The following BCAS3 variants were observed in gnomAD, a reference collection of about 807,000 sequenced individuals.
The protein encoded by BCAS3 is BCAS4/BCAS3 fusion.
BCAS3 carries 53 observed loss-of-function variants against 116.1 expected under a neutral mutation model. The ratio of observed to expected loss-of-function variants is 0.46; its 90% CI spans 0.37 to 0.57. BCAS3 has a LOEUF of 0.57. Among genes scored for constraint, BCAS3 ranks in the 20% least tolerant of loss-of-function variants. The pLI, the probability that BCAS3 is intolerant of heterozygous loss-of-function variation, is 0.00. For synonymous variants in BCAS3, 391 were observed against 408.2 expected (o/e 0.96, Z 0.51); for missense variants, 917 against 1,165.4 (o/e 0.79, Z 3.10).
intron 14 of BCAS3, among the ~76,000 whole-genome samples, chr17:60,949,146 A>G (rs2060693331): frequency 6.6e-6 from 1 of 152,190 alleles, no homozygotes; most frequent in Non-Finnish European, 1.5e-5. Context: ...AAGTGCTGGG[A>G]TTATAGACGT....
At position 61,113,969 on chromosome 17, in the gene BCAS3, C is replaced by T. The variant is rs968715593; in HGVS notation, c.2425+29405C>T. 3.8e-4 allele frequency among the ~76,000 whole-genome samples: 56 copies of T among 146,104 alleles called. 1 individual carries two copies. The highest frequency in any genetic ancestry group is 6.6e-4 in the Non-Finnish European group (44 of 66,498). On this transcript the variant is annotated intron_variant, in intron 22 of 23. Transcript: ENST00000407086. ...CAATAAATGTAATCCAGCATATAAA[C>T]AGAGCCAAAGACAAAAACCACATGA...
rs144652722 is a variant in BCAS3, at chr17:61,164,754, T to C, written c.2425+80190T>C. 4.2e-3 allele frequency among the ~76,000 whole-genome samples: 635 copies of C among 152,310 alleles called. 6 individuals are homozygous for C. The highest frequency in any genetic ancestry group is 0.015 in the African/African-American group (606 of 41,572). On this transcript the variant is annotated intron_variant, in intron 22 of 23. Coordinates refer to ENST00000407086, the MANE Select transcript of BCAS3 (RefSeq NM_017679.5). ...TCCAAAACTGAGCCAAATAAACCTTTGTTCTTTATAAATTACCCAGTCTGT... is the reference window on the plus strand; with the variant it reads ...TCCAAAACTGAGCCAAATAAACCTTCGTTCTTTATAAATTACCCAGTCTGT...
intron 22 of BCAS3, among the ~76,000 whole-genome samples, chr17:61,192,104 G>T (rs1378751430): frequency 1.3e-5 from 2 of 151,732 alleles, no homozygotes; most frequent in Non-Finnish European, 1.5e-5. Context: ...AAATTAGCTG[G>T]GCGTGGTGGT....
Position 61,224,147 on chromosome 17 carries a change from T to C in BCAS3, c.2425+139583T>C, listed in dbSNP as rs2082256289. 6.6e-6 allele frequency among the ~76,000 whole-genome samples: 1 copy of C among 152,272 alleles called. No individual in the cohort carries two copies. On this transcript the variant is annotated intron_variant, in intron 22 of 23. Transcript: ENST00000407086. This position sits in a 1 kb window ranked among gnomAD's most constrained non-coding sequence, Gnocchi z 5.7. The stretch of plus-strand genomic sequence containing the variant: ...CAGTTTTTATTTTTATGCTTTATCT[T>C]TATTATTTTCCCATTGATTTATAAG...
chr17:61,193,974 G>C (rs561258698), intron 22 of BCAS3, among the ~76,000 whole-genome samples: 10 of 151,390 alleles, frequency 6.6e-5, no homozygotes, highest in African/African-American at 2.4e-4. Context: ...AAAATTTGCC[G>C]GGCCTGGTGG....
At position 61,144,045 on chromosome 17, in the gene BCAS3, A is replaced by C. The variant is rs377434180; in HGVS notation, c.2425+59481A>C. Among the ~76,000 whole-genome samples, 1 of 152,146 alleles carries C rather than the reference A, an allele frequency of 6.6e-6. No homozygotes were observed. On this transcript the variant is annotated intron_variant, in intron 22 of 23. Transcript: ENST00000407086. The surrounding 1 kb of genome is among the most constrained non-coding windows in gnomAD (Gnocchi z 5.0). ...TTACATTTTAGGCAAGTAATGCTCA[A>C]ATTTTCTATAAGTGTTCTGAAAATA...
chr17:61,305,268 G>A (rs943842574), intron 22 of BCAS3, among the ~76,000 whole-genome samples: 1 of 152,082 alleles, frequency 6.6e-6, no homozygotes, highest in Non-Finnish European at 1.5e-5. Flanking sequence ...CTGCTTAGTT[G>A]GGTTAACAGT....
chr17:61,116,788 T>C (rs2075489414), intron 22 of BCAS3, among the ~76,000 whole-genome samples: 1 of 152,218 alleles, frequency 6.6e-6, no homozygotes, highest in Non-Finnish European at 1.5e-5. Context: ...TCTTTTCCTT[T>C]GTACTCAGAA....
chr17:60,983,334 G>T (rs1303674743), intron 14 of BCAS3, among the ~76,000 whole-genome samples: 1 of 151,830 alleles, frequency 6.6e-6, no homozygotes, highest in Non-Finnish European at 1.5e-5. Context: ...ATTTTTACAG[G>T]TTTTTTTCAT....
At chr17:60,937,811 C>T (rs908415768) in intron 13 of BCAS3, among the ~76,000 whole-genome samples, 11 of 152,178 alleles carry the variant, frequency 7.2e-5, no homozygotes, top group Admixed American at 1.3e-4. Flanking sequence ...CTTTATTATG[C>T]ACTTCCAGCA....
chr17:60,992,048 A>G (rs1017937057), intron 15 of BCAS3, among the ~76,000 whole-genome samples: 3 of 152,076 alleles, frequency 2.0e-5, no homozygotes, highest in African/African-American at 7.2e-5. Flanking sequence ...CCTTTTGGTT[A>G]TTGTGAATAG....
At chr17:61,317,503 C>T (rs1013513252) in intron 22 of BCAS3, among the ~76,000 whole-genome samples, 1 of 152,054 alleles carries the variant, frequency 6.6e-6, no homozygotes, top group African/African-American at 2.4e-5. Flanking sequence ...GGGGCCTGGA[C>T]CAGGAAAATG....
At chr17:61,298,155 G>A (rs561350624) in intron 22 of BCAS3, among the ~76,000 whole-genome samples, 20 of 152,224 alleles carry the variant, frequency 1.3e-4, no homozygotes, top group South Asian at 1.2e-3. Flanking sequence ...AAAAGGCCAC[G>A]AGTCTCACTT....
At chr17:60,737,205 G>A (rs998991707) in intron 5 of BCAS3, among the ~76,000 whole-genome samples, 1 of 151,984 alleles carries the variant, frequency 6.6e-6, no homozygotes, top group Non-Finnish European at 1.5e-5. Flanking sequence ...CTCCCAAAAT[G>A]CTGGGATTAC....
At chr17:60,947,088 G>C (rs888071542) in intron 13 of BCAS3, 131 bp from the exon 14 acceptor site, 19 of 892,988 alleles carry the variant, frequency 2.1e-5, no homozygotes, top group Non-Finnish European at 3.0e-5. Flanking sequence ...TTTTTCTTTT[G>C]TAAAGTTTCT....
Position 60,998,751 on chromosome 17 carries a change from T to G in BCAS3, c.1486+8516T>G, listed in dbSNP as rs2064014236. On this transcript the variant is annotated intron_variant, in intron 15 of 23. Transcript: ENST00000407086. ...TAGTCCTTTGTTCAGATACATAGTT[T>G]GTAGTATTTTTTTCCCATTCTGTAG... Among the ~76,000 whole-genome samples, 2 of 152,306 alleles carry G rather than the reference T, an allele frequency of 1.3e-5. 1 individual carries two copies. The highest frequency in any genetic ancestry group is 4.1e-4 in the South Asian group (2 of 4,828).
Position 61,323,979 on chromosome 17 carries a change from G to A in BCAS3, c.2426-44348G>A, listed in dbSNP as rs2055521508. The stretch of plus-strand genomic sequence containing the variant: ...AAAGGTTGGGCGGGAGACGAGGTAA[G>A]AACTGTTAGTGTCTGTGAGATGTTT... On this transcript the variant is annotated intron_variant, in intron 22 of 23. Coordinates refer to ENST00000407086, the MANE Select transcript of BCAS3 (RefSeq NM_017679.5). This position sits in a 1 kb window ranked among gnomAD's most constrained non-coding sequence, Gnocchi z 4.6. Among the ~76,000 whole-genome samples, 1 of 152,228 alleles carries A rather than the reference G, an allele frequency of 6.6e-6. No individual in the cohort carries two copies. The highest frequency in any genetic ancestry group is 6.5e-5 in the Admixed American group (1 of 15,284).
intron 22 of BCAS3, among the ~76,000 whole-genome samples, chr17:61,115,295 C>G (rs1180202573): frequency 2.0e-5 from 3 of 152,100 alleles, no homozygotes; most frequent in Non-Finnish European, 2.9e-5. Context: ...CCATCAGAGT[C>G]AACAGGCAAC....
rs1186230505 is a variant in BCAS3, at chr17:61,004,281, G to C, written c.1487-11470G>C. ...TGTAAAAACTACTTATTCAGATAAA[G>C]AAGTGCAAATGGGTAGAACAACAAA... On this transcript the variant is annotated intron_variant, in intron 15 of 23. Transcript: ENST00000407086. This position sits in a 1 kb window ranked among gnomAD's most constrained non-coding sequence, Gnocchi z 4.8. 2.0e-5 allele frequency among the ~76,000 whole-genome samples: 3 copies of C among 152,068 alleles called. No individual in the cohort carries two copies. The highest frequency in any genetic ancestry group is 7.2e-5 in the African/African-American group (3 of 41,430).
Sources: allele counts gnomAD v4.1 joint callset (sites outside exome capture counted in the v4.1 genomes callset), GRCh38; gene constraint gnomAD v4.1.1; non-coding constraint Gnocchi (gnomAD v3.1); transcripts MANE v1.5; gene names NCBI Gene and HGNC (gene_info 2026-07-23, HGNC 2026-07-21).